The following NF1 variants were observed in gnomAD, a reference collection of about 807,000 sequenced individuals.
NF1 encodes neurofibromin.
NF1 carries 122 observed loss-of-function variants against 325.7 expected under a neutral mutation model. The observed-to-expected ratio is 0.37, with a 90% CI of 0.32 to 0.44. The LOEUF is 0.44. Among genes scored for constraint, NF1 ranks in the 20% least tolerant of loss-of-function variants. The probability of loss-of-function intolerance (pLI) is 1.00; values close to 1 mark genes in which losing one functional copy is unlikely to be tolerated. For missense variants in NF1, 2,140 were observed against 3,415.4 expected, an observed-to-expected ratio of 0.63 and a Z score of 9.31; for synonymous variants, 1,091 against 1,186.0, an observed-to-expected ratio of 0.92 and a Z score of 1.65.
At chr17:31,294,760 T>C in intron 36 of NF1, 1 of 539,114 alleles carries the variant, frequency 1.9e-6, no homozygotes, top group Non-Finnish European at 3.3e-6. Context: ...CCTTAAAACA[T>C]TTCATTTTTT....
At chr17:31,203,577 A>G (rs2143898714) in intron 11 of NF1, among the ~76,000 whole-genome samples, 1 of 152,278 alleles carries the variant, frequency 6.6e-6, no homozygotes, top group Middle Eastern at 3.4e-3. Context: ...GAAATTTATG[A>G]GATTGACTAT....
chr17:31,173,635 A>G (rs908130925), intron 5 of NF1, among the ~76,000 whole-genome samples: 1 of 152,122 alleles, frequency 6.6e-6, no homozygotes, highest in East Asian at 1.9e-4. Context: ...ATAGCATTTG[A>G]TAGTCAATTT....
chr17:31,270,802 A>T (rs1019113393), intron 36 of NF1, among the ~76,000 whole-genome samples: 1 of 152,228 alleles, frequency 6.6e-6, no homozygotes, highest in Non-Finnish European at 1.5e-5. Flanking sequence ...TTTAATCTAC[A>T]TAATAACCTT....
intron 57 of NF1, among the ~76,000 whole-genome samples, chr17:31,366,854 C>G (rs1354648584): frequency 6.6e-6 from 1 of 151,910 alleles, no homozygotes; most frequent in Admixed American, 6.5e-5. Context: ...ACCTTTTTTT[C>G]TTGATTTGTT....
chr17:31,204,758 C>G (rs140884136), intron 11 of NF1, among the ~76,000 whole-genome samples: 4 of 151,902 alleles, frequency 2.6e-5, no homozygotes, highest in Admixed American at 2.0e-4. Flanking sequence ...CAAGATCTTA[C>G]GAGATGTGTT....
intron 5 of NF1, among the ~76,000 whole-genome samples, chr17:31,171,637 C>A (rs941461648): frequency 6.6e-6 from 1 of 152,138 alleles, no homozygotes; most frequent in Non-Finnish European, 1.5e-5. Flanking sequence ...GCGGCTCCCT[C>A]ATGAACATAA....
At chr17:31,248,914 C>CT in intron 29 of NF1, 70 bp from the exon 30 acceptor site, 1 of 1,519,914 alleles carries the variant, frequency 6.6e-7, no homozygotes, top group Non-Finnish European at 9.0e-7. Context: ...ATAAGAGTCT[C>CT]TTTTAAGGAG....
intron 36 of NF1, among the ~76,000 whole-genome samples, chr17:31,322,562 G>A (rs1371514730): frequency 7.6e-6 from 1 of 131,060 alleles, no homozygotes; most frequent in East Asian, 2.6e-4. Context: ...GCACATATCT[G>A]TAATCCCAGC....
At chr17:31,172,755 A>G (rs1318309062) in intron 5 of NF1, among the ~76,000 whole-genome samples, 1 of 152,164 alleles carries the variant, frequency 6.6e-6, no homozygotes, top group Non-Finnish European at 1.5e-5. Context: ...ACGAAGCTTT[A>G]TTTTAGTGGC....
chr17:31,301,514 A>G (rs1444910585), intron 36 of NF1, among the ~76,000 whole-genome samples: 1 of 152,160 alleles, frequency 6.6e-6, no homozygotes, highest in East Asian at 1.9e-4. Context: ...GTGCTACTTT[A>G]CTTTTTGATC....
At chr17:31,243,018 A>C (rs1019007326) in intron 29 of NF1, among the ~76,000 whole-genome samples, 3 of 152,210 alleles carry the variant, frequency 2.0e-5, no homozygotes, top group Non-Finnish European at 4.4e-5. Flanking sequence ...TTTAGGGGAC[A>C]CTCCAAGCCC....
intron 27 of NF1, among the ~76,000 whole-genome samples, chr17:31,234,215 T>A (rs1291176086): frequency 6.6e-6 from 1 of 152,242 alleles, no homozygotes; most frequent in East Asian, 1.9e-4. Context: ...TTACCTTGTA[T>A]AACTGAAATT....
intron 30 of NF1, chr17:31,251,199 C>T (rs1878963550): frequency 4.9e-6 from 1 of 203,490 alleles, no homozygotes; most frequent in African/African-American, 2.3e-5. Context: ...TTTTTCTTGC[C>T]CCTTTGCCTT....
At chr17:31,231,462 A>G (rs2067111219) in intron 24 of NF1, among the ~76,000 whole-genome samples, 1 of 152,098 alleles carries the variant, frequency 6.6e-6, no homozygotes, top group African/African-American at 2.4e-5. Flanking sequence ...TCTGTCAGGG[A>G]TTGGTTCCAA....
chr17:31,097,388 G>C (rs1307459523), intron 1 of NF1, among the ~76,000 whole-genome samples: 1 of 151,120 alleles, frequency 6.6e-6, no homozygotes, highest in Admixed American at 6.6e-5. Context: ...AATCCGGGAG[G>C]TGGAGGTTGC....
At chr17:31,357,140 T>G in intron 53 of NF1, 50 bp downstream of exon 53, 1 of 1,611,368 alleles carries the variant, frequency 6.2e-7, no homozygotes, top group Non-Finnish European at 8.5e-7. Context: ...TTTATTCCAG[T>G]CTACTTTTAG....
intron 36 of NF1, among the ~76,000 whole-genome samples, chr17:31,324,252 A>G (rs796457108): frequency 1.5e-4 from 23 of 152,174 alleles, no homozygotes; most frequent in African/African-American, 5.3e-4. Flanking sequence ...TTTTTAGTAG[A>G]GACAGGGTTT....
intron 1 of NF1, chr17:31,128,624 A>G (rs1041283028): frequency 6.6e-6 from 1 of 151,986 alleles, no homozygotes; most frequent in Non-Finnish European, 1.5e-5. Context: ...GGAATTTCTT[A>G]TCTTTAAGAA....
In NF1 at chr17:31,223,295, C is replaced by T; in HGVS notation, c.1722-149C>T. ...TCCTTTGATTATAATGCTATTGACA[C>T]TTTGATAACTGTTTCTCTAAAACCT... On this transcript the variant is annotated intron_variant, in intron 15 of 57. Coordinates refer to ENST00000358273, the MANE Select transcript of NF1 (RefSeq NM_001042492.3). 5.4e-6 allele frequency: 5 copies of T among 928,568 alleles called. No individual in the cohort carries two copies. In the South Asian group the frequency reaches 7.3e-5, roughly 13 times the overall value. 57.5% of individuals were successfully genotyped at this position (928,568 alleles called of 1,614,324 possible).
Sources: gnomAD v4.1 joint callset for allele counts (sites outside exome capture counted in the v4.1 genomes callset) on GRCh38, gnomAD v4.1.1 for gene constraint, MANE v1.5 for transcripts, NCBI Gene and HGNC (gene_info 2026-07-23, HGNC 2026-07-21) for gene names.